The following SLC1A7 variants were observed in gnomAD, a reference collection of about 807,000 sequenced individuals.
SLC1A7 encodes solute carrier family 1 member 7.
A neutral mutation model predicts 47.7 loss-of-function variants in SLC1A7; 40 were observed. That is an observed-to-expected ratio of 0.84 (90% confidence interval 0.65 to 1.09). SLC1A7 has a LOEUF of 1.09. SLC1A7 is among the 50% of genes least tolerant of loss of function. The pLI is 0.00. For missense variants in SLC1A7, 746 were observed against 769.5 expected (o/e 0.97, Z 0.36); for synonymous variants, 323 against 325.6 (o/e 0.99, Z 0.09).
chr1:53,088,971 A>C lies in SLC1A7; in HGVS notation c.1370T>G (p.Phe457Cys), dbSNP rs770570313. 1 of 1,613,946 alleles carries C rather than the reference A, an allele frequency of 6.2e-7. No individual in the cohort carries two copies. Among genetic ancestry groups the C allele is most frequent in the Non-Finnish European group, 8.5e-7 (1 of 1,179,930 alleles). ...ACCCAGCACGTTAATCATGGTGCGG[A>C]AACGGTCCCTGGTGAGCCAAGGTTG... Reference protein sequence around the residue: ...IIAVDWALDRFRTMINVLGDA... With the variant: ...IIAVDWALDRCRTMINVLGDA... The change falls in exon 10 of 11, where the codon TTC becomes TGC. Residue 457 changes from phenylalanine to cysteine, a missense_variant. Coordinates refer to ENST00000371494, the MANE Select transcript of SLC1A7 (RefSeq NM_006671.6).
chr1:53,136,546 A>AT (rs1644996516), intron 1 of SLC1A7, among the ~76,000 whole-genome samples: 9 of 39,566 alleles, frequency 2.3e-4, no homozygotes, highest in Middle Eastern at 0.01. Flanking sequence ...ACATATATAT[A>AT]ATATATATAA....
At chr1:53,101,980 A>G (rs1391237994) in intron 5 of SLC1A7, among the ~76,000 whole-genome samples, 2 of 152,226 alleles carry the variant, frequency 1.3e-5, no homozygotes, top group Non-Finnish European at 2.9e-5. Context: ...ATGTTCACAG[A>G]TGCACGGACA....
At chr1:53,099,095 GCA>G (rs1363066425) in intron 5 of SLC1A7, among the ~76,000 whole-genome samples, 1 of 131,114 alleles carries the variant, frequency 7.6e-6, no homozygotes, top group East Asian at 2.5e-4. Flanking sequence ...CTCGGTACAT[GCA>G]CACATACCGC....
At chr1:53,138,400 G>A (rs1006057531) in intron 1 of SLC1A7, among the ~76,000 whole-genome samples, 1 of 152,088 alleles carries the variant, frequency 6.6e-6, no homozygotes, top group African/African-American at 2.4e-5. Flanking sequence ...TCTGTTAGCT[G>A]TCTCTAAAAG....
At chr1:53,134,753 G>A (rs531895888) in intron 1 of SLC1A7, among the ~76,000 whole-genome samples, 6 of 152,258 alleles carry the variant, frequency 3.9e-5, no homozygotes, top group Admixed American at 2.0e-4. Context: ...TTCCGAGACC[G>A]CCAGTGGATG....
At position 53,103,552 on chromosome 1, in the gene SLC1A7, G is replaced by A. The variant is rs1312999214; in HGVS notation, c.491C>T (p.Thr164Ile). ...CACCTTGGGGGACTTGACAACTGGGGTGGTCTTGGTGCGGTACTGGTGGGT... is the reference window on the plus strand; with the variant it reads ...CACCTTGGGGGACTTGACAACTGGGATGGTCTTGGTGCGGTACTGGTGGGT... ...ATFKQYRTKT[T>I]PVVKSPKVAP... is the part of the protein sequence containing the mutation. The change falls in exon 5 of 11, where the codon ACC becomes ATC. Residue 164 changes from threonine to isoleucine, a missense_variant. Transcript: ENST00000371494. The A allele has an allele frequency of 6.2e-7, 1 of 1,600,866 alleles. No homozygotes were observed. Among genetic ancestry groups the A allele is most frequent in the Non-Finnish European group, 8.5e-7 (1 of 1,172,758 alleles).
intron 10 of SLC1A7, 75 bp downstream of exon 10, chr1:53,088,802 G>T: frequency 2.7e-6 from 3 of 1,118,656 alleles, no homozygotes; most frequent in Admixed American, 1.9e-5. Context: ...CGAGCTGGTT[G>T]GTGGAAGATC....
intron 2 of SLC1A7, among the ~76,000 whole-genome samples, chr1:53,118,049 C>T (rs907632179): frequency 7.9e-5 from 12 of 152,260 alleles, no homozygotes; most frequent in Non-Finnish European, 1.0e-4. Context: ...CCAGGGCCAC[C>T]GCAGGTGAGG....
intron 2 of SLC1A7, among the ~76,000 whole-genome samples, chr1:53,130,276 G>A (rs1187796793): frequency 6.6e-6 from 1 of 152,210 alleles, no homozygotes; most frequent in African/African-American, 2.4e-5. Flanking sequence ...GCATGGCAGG[G>A]GCTGGGCAGG....
At chr1:53,102,651 C>T (rs1644596738) in intron 5 of SLC1A7, 1 of 152,324 alleles carries the variant, frequency 6.6e-6, no homozygotes, top group Admixed American at 6.5e-5. Context: ...TTGTGACCTC[C>T]TGAGCTGGAC....
Position 53,088,988 on chromosome 1 carries a change from C to T in SLC1A7, c.1362-9G>A. ...TGGTGCGGAAACGGTCCCTGGTGAG[C>T]CAAGGTTGGGGGTGAGTGGTGGGCA... On this transcript the variant is annotated splice_polypyrimidine_tract_variant and intron_variant, in intron 9 of 10. Coordinates refer to ENST00000371494, the MANE Select transcript of SLC1A7 (RefSeq NM_006671.6). 1 of 1,612,832 alleles carries T rather than the reference C, an allele frequency of 6.2e-7. No homozygotes were observed. Among genetic ancestry groups the T allele is most frequent in the South Asian group, 1.1e-5 (1 of 91,066 alleles).
At chr1:53,119,297 C>A (rs967948240) in intron 2 of SLC1A7, among the ~76,000 whole-genome samples, 1 of 152,178 alleles carries the variant, frequency 6.6e-6, no homozygotes, top group Non-Finnish European at 1.5e-5. Context: ...GTGGCACAAA[C>A]CTGGTTTAAC....
chr1:53,087,939 T>C lies in SLC1A7; in HGVS notation c.*70A>G, dbSNP rs757799754. On this transcript the variant is annotated 3_prime_UTR_variant, in exon 11 of 11. Coordinates refer to ENST00000371494, the MANE Select transcript of SLC1A7 (RefSeq NM_006671.6). ...GGCCCCTGCCGGCTGCTCAGGAGGG[T>C]TGGAGAGTCGAGTTCCTGCCTCAGG... is the stretch of plus-strand genomic sequence containing the variant. The C allele has an allele frequency of 5.4e-6, 5 of 934,576 alleles. No individual in the cohort carries two copies. The highest frequency in any genetic ancestry group is 2.4e-5 in the South Asian group (1 of 41,108). The allele number at this position is 934,576 out of a possible 1,614,324, so 57.9% of individuals were successfully genotyped here.
At chr1:53,124,059 C>T (rs767937065) in intron 2 of SLC1A7, among the ~76,000 whole-genome samples, 2 of 152,352 alleles carry the variant, frequency 1.3e-5, no homozygotes, top group Admixed American at 6.5e-5. Flanking sequence ...CAGACTTTGA[C>T]GGCTGCTTGG....
At position 53,089,905 on chromosome 1, in the gene SLC1A7, G is replaced by A. The variant is rs768329543; in HGVS notation, c.1256C>T (p.Ala419Val). 2 of 1,613,642 alleles carry A rather than the reference G, an allele frequency of 1.2e-6. No homozygotes were observed. The highest frequency in any genetic ancestry group is 8.5e-7 in the Non-Finnish European group (1 of 1,179,900). ...SITATAASIG[A>V]AGIPQAGLVT... ...GAGGCCGGCCTGGGGGATGCCAGCT[G>A]CCCCAATGCTGGCTGCAGTGGCTGT... The change falls in exon 9 of 11, where the codon GCA becomes GTA. Residue 419 changes from alanine to valine, a missense_variant. Physicochemically the swap from Ala to Val is moderately conservative, Grantham distance 64. Coordinates refer to ENST00000371494, the MANE Select transcript of SLC1A7 (RefSeq NM_006671.6).
chr1:53,138,496 GA>G (rs1318329608), intron 1 of SLC1A7, among the ~76,000 whole-genome samples: 1 of 150,254 alleles, frequency 6.7e-6, no homozygotes, highest in African/African-American at 2.4e-5. Flanking sequence ...TAGTTTCTGG[GA>G]GATTTCTACA....
chr1:53,132,311 C>T (rs1201412531), intron 2 of SLC1A7, among the ~76,000 whole-genome samples: 1 of 151,856 alleles, frequency 6.6e-6, no homozygotes, highest in Non-Finnish European at 1.5e-5. Context: ...AGTGAGGTGG[C>T]GGTGGAGTCT....
chr1:53,092,468 G>A, intron 7 of SLC1A7, 86 bp downstream of exon 7: 1 of 990,082 alleles, frequency 1.0e-6, no homozygotes, highest in South Asian at 1.4e-5. Flanking sequence ...TGGTGGTTCT[G>A]TGGCTATGAA....
intron 1 of SLC1A7, among the ~76,000 whole-genome samples, chr1:53,141,882 C>T (rs1047746625): frequency 1.3e-5 from 2 of 152,164 alleles, no homozygotes; most frequent in African/African-American, 4.8e-5. Context: ...GGCCTGCTGG[C>T]CTCTGCGCTC....
Sources: gnomAD v4.1 joint callset for allele counts (sites outside exome capture counted in the v4.1 genomes callset) on GRCh38, gnomAD v4.1.1 for gene constraint, MANE v1.5 for transcripts, NCBI Gene and HGNC (gene_info 2026-07-23, HGNC 2026-07-21) for gene names.